Variants in ASCC1 observed in about 807,000 individuals in gnomAD.
ASCC1 encodes activating signal cointegrator 1 complex subunit 1, also known as ASC-1 complex subunit P50.
A neutral mutation model predicts 46.6 loss-of-function variants in ASCC1; 35 were observed. The observed-to-expected ratio is 0.75, with a 90% CI of 0.57 to 0.99. The LOEUF (loss-of-function observed/expected upper bound fraction) is 0.99, where lower values mean the gene tolerates loss of function less well. ASCC1 is among the 50% of genes least tolerant of loss of function. ASCC1 has a pLI of 0.00. For missense variants in ASCC1, 376 were observed against 428.7 expected (o/e 0.88, Z 1.09); for synonymous variants, 143 against 146.6 (o/e 0.98, Z 0.18).
intron 5 of ASCC1, among the ~76,000 whole-genome samples, chr10:72,168,257 T>C (rs947293400): frequency 6.6e-6 from 1 of 152,048 alleles, no homozygotes; most frequent in South Asian, 2.1e-4. Context: ...AAAATGCTAT[T>C]GAACAATAGG....
chr10:72,180,337 A>C (rs1030251314), intron 5 of ASCC1, among the ~76,000 whole-genome samples: 21 of 151,762 alleles, frequency 1.4e-4, no homozygotes, highest in African/African-American at 4.4e-4. Context: ...AAAAAAATAA[A>C]AGAGCTACCC....
chr10:72,194,022 T>C (rs938746003), intron 5 of ASCC1, among the ~76,000 whole-genome samples: 2 of 151,622 alleles, frequency 1.3e-5, no homozygotes, highest in Non-Finnish European at 2.9e-5. Flanking sequence ...TTTTGTATTT[T>C]TAGTAGAGAC....
At chr10:72,176,027 C>T (rs963107880) in intron 5 of ASCC1, among the ~76,000 whole-genome samples, 1 of 152,194 alleles carries the variant, frequency 6.6e-6, no homozygotes, top group Admixed American at 6.5e-5. Context: ...AACATTCATT[C>T]GGCACTATGT....
At chr10:72,208,231 A>G (rs1857499497) in intron 3 of ASCC1, among the ~76,000 whole-genome samples, 1 of 152,134 alleles carries the variant, frequency 6.6e-6, no homozygotes, top group African/African-American at 2.4e-5. Flanking sequence ...ATATAGAGAA[A>G]TCAAAAGATT....
At chr10:72,213,455 C>T (rs1858478611) in intron 1 of ASCC1, 124 bp from the exon 2 acceptor site, 8 of 650,328 alleles carry the variant, frequency 1.2e-5, no homozygotes, top group South Asian at 1.1e-4. Flanking sequence ...ACAAAAGCAG[C>T]ACCATTTCCC....
At chr10:72,156,716 G>A (rs956451353) in intron 6 of ASCC1, among the ~76,000 whole-genome samples, 62 of 149,582 alleles carry the variant, frequency 4.1e-4, no homozygotes, top group Non-Finnish European at 5.5e-4. Flanking sequence ...AGCTTGCAGT[G>A]AGCAGAGATC....
At chr10:72,121,590 T>C (rs1343503151) in intron 9 of ASCC1, among the ~76,000 whole-genome samples, 1 of 150,466 alleles carries the variant, frequency 6.6e-6, no homozygotes, top group African/African-American at 2.4e-5. Flanking sequence ...TGAAAGAAAG[T>C]TGAGTAGCTA....
intron 5 of ASCC1, among the ~76,000 whole-genome samples, chr10:72,186,513 C>A (rs1311421516): frequency 6.6e-6 from 1 of 152,122 alleles, no homozygotes; most frequent in Non-Finnish European, 1.5e-5. Flanking sequence ...TCTCAGTGAA[C>A]AGGTATTTGC....
chr10:72,106,109 C>G (rs954448147), intron 9 of ASCC1, among the ~76,000 whole-genome samples: 1 of 152,068 alleles, frequency 6.6e-6, no homozygotes, highest in Non-Finnish European at 1.5e-5. Flanking sequence ...TTCCAAGATC[C>G]CTCTTTTAAG....
intron 5 of ASCC1, among the ~76,000 whole-genome samples, chr10:72,175,007 C>T (rs558181978): frequency 6.6e-6 from 1 of 152,322 alleles, no homozygotes; most frequent in Admixed American, 6.5e-5. Context: ...CCCCTATACT[C>T]GTTGTATTTT....
At chr10:72,108,159 C>A (rs1214251282) in intron 9 of ASCC1, among the ~76,000 whole-genome samples, 1 of 151,542 alleles carries the variant, frequency 6.6e-6, no homozygotes, top group Non-Finnish European at 1.5e-5. Context: ...TCACTGCAGC[C>A]TCCACCTCCC....
At position 72,203,367 on chromosome 10, in the gene ASCC1, C is replaced by T. The variant is rs1353039377; in HGVS notation, c.310+60G>A. The T allele has an allele frequency of 3.3e-6, 4 of 1,221,448 alleles. No homozygotes were observed. The African/African-American group carries it at 4.5e-5, about 14-fold the overall frequency. 75.7% of individuals were successfully genotyped at this position (1,221,448 alleles called of 1,614,324 possible). A position where few individuals can be genotyped will look rare whatever the true frequency, so the allele number is the denominator to read the frequency against. ...AGTTACTAAACACTGCAGTTGGTTACATTATTCCATAAACATGCAAAAGTG... is the reference window on the plus strand; with the variant it reads ...AGTTACTAAACACTGCAGTTGGTTATATTATTCCATAAACATGCAAAAGTG... On this transcript the variant is annotated intron_variant, in intron 4 of 9. Transcript: ENST00000672957.
intron 7 of ASCC1, among the ~76,000 whole-genome samples, chr10:72,146,050 A>G (rs759904340): frequency 1.3e-5 from 2 of 152,052 alleles, no homozygotes; most frequent in Non-Finnish European, 2.9e-5. Flanking sequence ...ATTTATTCCC[A>G]TTTCCTAAAA....
At chr10:72,215,271 C>T (rs557991458) in intron 1 of ASCC1, among the ~76,000 whole-genome samples, 46 of 152,228 alleles carry the variant, frequency 3.0e-4, no homozygotes, top group African/African-American at 1.1e-3. Context: ...TGGTGGCGGG[C>T]GCCTGTAGTC....
chr10:72,128,227 T>C, intron 8 of ASCC1, 60 bp from the exon 9 acceptor site: 4 of 1,474,166 alleles, frequency 2.7e-6, no homozygotes, highest in Non-Finnish European at 3.8e-6. Context: ...TTCTCTTGGA[T>C]TTCTATAGGT....
At chr10:72,122,094 T>A (rs547320963) in intron 9 of ASCC1, among the ~76,000 whole-genome samples, 4 of 152,114 alleles carry the variant, frequency 2.6e-5, no homozygotes, top group Admixed American at 1.3e-4. Flanking sequence ...ATAACAAAGA[T>A]AGCAGGAAAA....
At chr10:72,131,213 G>C in intron 8 of ASCC1, among the ~76,000 whole-genome samples, 1 of 152,144 alleles carries the variant, frequency 6.6e-6, no homozygotes, top group Non-Finnish European at 1.5e-5. Context: ...AAGGTCAGGA[G>C]TTCAAGATCA....
At chr10:72,131,247 T>C (rs1265774542) in intron 8 of ASCC1, among the ~76,000 whole-genome samples, 3 of 151,970 alleles carry the variant, frequency 2.0e-5, no homozygotes, top group Admixed American at 2.0e-4. Context: ...GGTGAAACCC[T>C]GTCTCTACTA....
intron 1 of ASCC1, 22 bp downstream of exon 1, chr10:72,216,185 G>A (rs543314461): frequency 3.3e-5 from 5 of 153,382 alleles, no homozygotes; most frequent in African/African-American, 1.2e-4. Context: ...GGTGAAAAGG[G>A]AGTTAACCCC....
Sources: allele counts gnomAD v4.1 joint callset (sites outside exome capture counted in the v4.1 genomes callset), GRCh38; gene constraint gnomAD v4.1.1; transcripts MANE v1.5; gene names NCBI Gene and HGNC (gene_info 2026-07-23, HGNC 2026-07-21).